Variants in SLC9C1 observed in about 807,000 individuals in gnomAD.
SLC9C1 encodes solute carrier family 9 member C1.
A neutral mutation model predicts 140.9 loss-of-function variants in SLC9C1; 97 were observed. The ratio of observed to expected loss-of-function variants is 0.69; its 90% CI spans 0.58 to 0.82. The LOEUF is 0.82. Among genes scored for constraint, SLC9C1 ranks in the 40% least tolerant of loss-of-function variants. The pLI is 0.00. For missense variants in SLC9C1, 1,340 were observed against 1,389.3 expected, an observed-to-expected ratio of 0.96 and a Z score of 0.56; for synonymous variants, 440 against 442.6, an observed-to-expected ratio of 0.99 and a Z score of 0.07.
At chr3:112,148,581 T>TA (rs1250250287) in intron 28 of SLC9C1, among the ~76,000 whole-genome samples, 1 of 152,238 alleles carries the variant, frequency 6.6e-6, no homozygotes, top group South Asian at 2.1e-4. Context: ...GCAGGTTTTA[T>TA]ATTGGGCTGT....
chr3:112,168,376 C>T (rs1186314170), intron 25 of SLC9C1, among the ~76,000 whole-genome samples: 1 of 148,856 alleles, frequency 6.7e-6, no homozygotes, highest in Non-Finnish European at 1.5e-5. Flanking sequence ...CAACTTCTTT[C>T]CTTCTTTACA....
intron 14 of SLC9C1, 133 bp downstream of exon 14, chr3:112,220,995 T>A (rs1321129214): frequency 1.8e-5 from 11 of 620,692 alleles, no homozygotes; most frequent in Non-Finnish European, 2.4e-5. Flanking sequence ...CAGACAGCTC[T>A]GCTGTAATAC....
rs953401184 is a variant in SLC9C1 at position 112,283,036 on chromosome 3, G to A, written c.89-2253C>T. ...GAAACAAACTAAAACAACATTAATG[G>A]AATGGATGCTACTGTTTTACCGAGG... On this transcript the variant is annotated intron_variant, in intron 2 of 28. Coordinates refer to ENST00000305815, the MANE Select transcript of SLC9C1 (RefSeq NM_183061.3). Among the ~76,000 whole-genome samples, 4 of 152,170 alleles carry A rather than the reference G, an allele frequency of 2.6e-5. No homozygotes were observed. The South Asian group carries it at 6.2e-4, about 24-fold the overall frequency.
In SLC9C1 at chr3:112,275,170, G is replaced by T. The variant is rs961339739; in HGVS notation, c.485-145C>A. Reference sequence around the variant, plus strand: ...AGTTAAGTTTAGACAATCATAATTGGCACTAAATTAATTATGGCCCATTAT... The same window carrying T: ...AGTTAAGTTTAGACAATCATAATTGTCACTAAATTAATTATGGCCCATTAT... On this transcript the variant is annotated intron_variant, in intron 5 of 28. Transcript: ENST00000305815. 6.2e-6 allele frequency: 5 copies of T among 805,672 alleles called. No homozygotes were observed. The South Asian group carries it at 1.1e-4, about 18-fold the overall frequency. 49.9% of individuals were successfully genotyped at this position (805,672 alleles called of 1,614,324 possible).
intron 8 of SLC9C1, among the ~76,000 whole-genome samples, chr3:112,265,097 G>A (rs1182628567): frequency 6.6e-6 from 1 of 152,004 alleles, no homozygotes; most frequent in Non-Finnish European, 1.5e-5. Context: ...GATGGCACGA[G>A]CTTCAAAATT....
At chr3:112,245,500 A>T (rs56105175) in intron 10 of SLC9C1, among the ~76,000 whole-genome samples, 30,403 of 151,600 alleles carry the variant, frequency 0.2, 3,398 homozygotes, top group Middle Eastern at 0.26. Flanking sequence ...TCTCTCATTG[A>T]ACTGTTTCAG....
chr3:112,253,965 G>T (rs1346292525), intron 10 of SLC9C1, among the ~76,000 whole-genome samples: 1 of 152,090 alleles, frequency 6.6e-6, no homozygotes, highest in Non-Finnish European at 1.5e-5. Flanking sequence ...ATTAACAGCA[G>T]AATAAACCAA....
chr3:112,252,849 G>A (rs7613260), intron 10 of SLC9C1, among the ~76,000 whole-genome samples: 89,641 of 151,580 alleles, frequency 0.59, 26,992 homozygotes, highest in East Asian at 0.79. Context: ...CACAGTAGGC[G>A]AGATCTACCA....
chr3:112,220,520 G>T (rs2078511867), intron 14 of SLC9C1, among the ~76,000 whole-genome samples: 1 of 152,210 alleles, frequency 6.6e-6, no homozygotes, highest in South Asian at 2.1e-4. Context: ...AGAGCTAGAA[G>T]GTATGTCTGG....
At chr3:112,159,125 G>A (rs1258429520) in intron 26 of SLC9C1, among the ~76,000 whole-genome samples, 1 of 150,946 alleles carries the variant, frequency 6.6e-6, no homozygotes, top group African/African-American at 2.4e-5. Context: ...GGGGGTGTGG[G>A]TATTTATTGC....
In SLC9C1 at chr3:112,280,731, T is replaced by C. The variant is rs1014806400; in HGVS notation, c.141A>G (p.Leu47=). The part of the protein sequence containing the change: ...EDFPIPVPVI[L]FLLGCSFEVL... ...CTTCAAAACTGCATCCAAGTAAAAA[T>C]AATATCACAGGGACAGGAATTGGAA... is the stretch of plus-strand genomic sequence containing the variant. Residue 47 remains leucine (L), a synonymous_variant, in exon 3 of 29, where the codon TTA becomes TTG. Transcript: ENST00000305815. 1.2e-6 allele frequency: 2 copies of C among 1,612,018 alleles called. No individual in the cohort carries two copies. Among genetic ancestry groups the C allele is most frequent in the African/African-American group, 1.3e-5 (1 of 74,898 alleles).
chr3:112,284,977 C>T (rs1345888670), intron 2 of SLC9C1, among the ~76,000 whole-genome samples: 1 of 118,026 alleles, frequency 8.5e-6, no homozygotes, highest in African/African-American at 3.1e-5. Flanking sequence ...GAAAAAAATA[C>T]AATTTTTCTT....
rs767406464 is a variant in SLC9C1 at position 112,286,841 on chromosome 3, GA to G, written c.-51del. The G allele has an allele frequency of 9.9e-6, 13 of 1,307,038 alleles. No individual in the cohort carries two copies. In the African/African-American group the frequency reaches 1.8e-4, roughly 18 times the overall value. 81.0% of individuals were successfully genotyped at this position (1,307,038 alleles called of 1,614,324 possible). On this transcript the variant is annotated 5_prime_UTR_variant, in exon 2 of 29. The change creates a premature stop within an existing upstream ORF in the 5' untranslated region. Transcript: ENST00000305815. ...TTTATGTTAGAAGCAATCTCCATAT[GA>G]TCATCCATCTTGTTGTTTTTCACAG... is the stretch of plus-strand genomic sequence containing the variant.
Position 112,199,326 on chromosome 3 carries a change from T to A in SLC9C1, c.2518A>T (p.Asn840Tyr), listed in dbSNP as rs2077843531. Reference protein sequence around the residue: ...IISKTEGAGINKLIMAKKKEV... With the variant: ...IISKTEGAGIYKLIMAKKKEV... ...TTGAAAATATTTTGCCTTACCTTATTAATTCCAGCACCTTCAGTTTTACTA... is the reference window on the plus strand; with the variant it reads ...TTGAAAATATTTTGCCTTACCTTATAAATTCCAGCACCTTCAGTTTTACTA... Residue 840 changes from asparagine (N) to tyrosine (Y), a missense_variant, in exon 20 of 29, where the codon AAT becomes TAT. Transcript: ENST00000305815. 1 of 1,564,734 alleles carries A rather than the reference T, an allele frequency of 6.4e-7. No homozygotes were observed. Among genetic ancestry groups the A allele is most frequent in the Non-Finnish European group, 8.6e-7 (1 of 1,160,286 alleles).
intron 5 of SLC9C1, among the ~76,000 whole-genome samples, chr3:112,277,124 G>T (rs2080236631): frequency 6.6e-6 from 1 of 152,034 alleles, no homozygotes; most frequent in Admixed American, 6.6e-5. Flanking sequence ...TTTCTTGCAT[G>T]AGGCTTTTTA....
At chr3:112,237,595 C>T (rs1269084106) in intron 12 of SLC9C1, among the ~76,000 whole-genome samples, 3 of 152,132 alleles carry the variant, frequency 2.0e-5, no homozygotes, top group Admixed American at 6.5e-5. Flanking sequence ...TGGCTGGTAC[C>T]GGTTGTTCCT....
At chr3:112,209,950 C>A (rs1205059296) in intron 15 of SLC9C1, among the ~76,000 whole-genome samples, 1 of 152,128 alleles carries the variant, frequency 6.6e-6, no homozygotes, top group Non-Finnish European at 1.5e-5. Context: ...AAAATCTTGA[C>A]CTTTTTCTCT....
intron 22 of SLC9C1, among the ~76,000 whole-genome samples, chr3:112,180,039 T>C (rs2077409190): frequency 6.6e-6 from 1 of 152,218 alleles, no homozygotes. Flanking sequence ...AGTTTCCTGT[T>C]ATCTGTGAGA....
intron 28 of SLC9C1, among the ~76,000 whole-genome samples, chr3:112,145,663 G>A (rs75039150): frequency 8.2e-6 from 1 of 121,922 alleles, no homozygotes; most frequent in Non-Finnish European, 1.6e-5. Context: ...ATATTGGTCT[G>A]TTCAGTTTTT....
Sources: allele counts gnomAD v4.1 joint callset (sites outside exome capture counted in the v4.1 genomes callset), GRCh38; gene constraint gnomAD v4.1.1; transcripts MANE v1.5; gene names NCBI Gene and HGNC (gene_info 2026-07-23, HGNC 2026-07-21).